Variants in RIPOR3 observed in about 807,000 individuals in gnomAD.
The protein encoded by RIPOR3 is family with sequence similarity 65 member C.
In RIPOR3, 95 loss-of-function variants were observed where a neutral mutation model predicts 114.3. That is an observed-to-expected ratio of 0.83 (90% CI 0.70 to 0.99). The LOEUF (loss-of-function observed/expected upper bound fraction) is 0.99, where lower values mean the gene tolerates loss of function less well. Among genes scored for constraint, RIPOR3 ranks in the 50% least tolerant of loss-of-function variants. The pLI is 0.00. For missense variants in RIPOR3, 1,252 were observed against 1,266.9 expected (o/e 0.99, Z 0.18); for synonymous variants, 575 against 543.8 (o/e 1.06, Z -0.80).
intron 2 of RIPOR3, chr20:50,620,990 G>A: frequency 1.9e-6 from 1 of 527,672 alleles, no homozygotes; most frequent in Non-Finnish European, 3.7e-6. Flanking sequence ...GGAAAGGGTG[G>A]GGACACACAT....
chr20:50,618,387 C>A (rs953827549), intron 3 of RIPOR3, among the ~76,000 whole-genome samples: 4 of 151,968 alleles, frequency 2.6e-5, no homozygotes, highest in Non-Finnish European at 5.9e-5. Context: ...CCCACAGGGC[C>A]CCCTGTCATC....
At chr20:50,631,078 G>C (rs1402379050) in intron 1 of RIPOR3, among the ~76,000 whole-genome samples, 2 of 152,188 alleles carry the variant, frequency 1.3e-5, no homozygotes, top group East Asian at 3.9e-4. Context: ...CCAGGTGTCT[G>C]TACTCTGCAC....
intron 1 of RIPOR3, among the ~76,000 whole-genome samples, chr20:50,631,275 C>G (rs1252726806): frequency 6.6e-6 from 1 of 152,202 alleles, no homozygotes; most frequent in Admixed American, 6.5e-5. Context: ...TCCAGCCCAG[C>G]AGGGAGGCCC....
chr20:50,610,090 C>T (rs1472956267), intron 6 of RIPOR3, among the ~76,000 whole-genome samples: 1 of 145,862 alleles, frequency 6.9e-6, no homozygotes, highest in Admixed American at 6.7e-5. Context: ...CCACCCCTGC[C>T]TCACCTGCCA....
chr20:50,598,330 G>T (rs2083372507), intron 13 of RIPOR3, among the ~76,000 whole-genome samples: 1 of 152,160 alleles, frequency 6.6e-6, no homozygotes, highest in Non-Finnish European at 1.5e-5. Flanking sequence ...AGCCTCCAGT[G>T]CCAGCTCCCT....
At chr20:50,592,969 G>C in intron 18 of RIPOR3, 66 bp downstream of exon 18, 2 of 1,574,202 alleles carry the variant, frequency 1.3e-6, no homozygotes, top group African/African-American at 1.3e-5. Context: ...TATAACCTGA[G>C]AAACTGCATG....
At chr20:50,660,672 A>G (rs2085960963) in intron 1 of RIPOR3, among the ~76,000 whole-genome samples, 1 of 151,344 alleles carries the variant, frequency 6.6e-6, no homozygotes, top group South Asian at 2.1e-4. Context: ...AAATCACAGC[A>G]CTACCCCCGA....
intron 1 of RIPOR3, among the ~76,000 whole-genome samples, chr20:50,655,805 G>A (rs988381086): frequency 6.6e-6 from 1 of 151,958 alleles, no homozygotes; most frequent in Non-Finnish European, 1.5e-5. Context: ...AACTGAGTTC[G>A]TGGCATGAGG....
At chr20:50,594,501 A>G in intron 17 of RIPOR3, 52 bp downstream of exon 17, 3 of 1,579,928 alleles carry the variant, frequency 1.9e-6, no homozygotes, top group Non-Finnish European at 2.6e-6. Flanking sequence ...GGCCCTGGAG[A>G]CTCAATACAG....
At chr20:50,592,237 A>G in intron 19 of RIPOR3, 107 bp downstream of exon 19, 1 of 1,167,044 alleles carries the variant, frequency 8.6e-7, no homozygotes, top group South Asian at 2.0e-5. Context: ...GCTCACAGCT[A>G]CTGCAGCCCC....
At chr20:50,629,659 C>T (rs1378013951) in intron 2 of RIPOR3, among the ~76,000 whole-genome samples, 1 of 152,212 alleles carries the variant, frequency 6.6e-6, no homozygotes, top group Non-Finnish European at 1.5e-5. Context: ...TCCGGTAACC[C>T]CCCACAGCAC....
chr20:50,646,227 C>T (rs1305798147), intron 1 of RIPOR3, among the ~76,000 whole-genome samples: 1 of 152,042 alleles, frequency 6.6e-6, no homozygotes, highest in East Asian at 1.9e-4. Flanking sequence ...TCCTAGGCTC[C>T]AGTGATCCTC....
intron 1 of RIPOR3, among the ~76,000 whole-genome samples, chr20:50,687,419 G>C (rs2087065612): frequency 6.6e-6 from 1 of 152,244 alleles, no homozygotes; most frequent in South Asian, 2.1e-4. Context: ...GAAGAGGACT[G>C]AGGACTGTTC....
intron 8 of RIPOR3, 68 bp from the exon 9 acceptor site, chr20:50,609,023 C>CT: frequency 6.5e-7 from 1 of 1,533,744 alleles, no homozygotes; most frequent in Non-Finnish European, 8.8e-7. Context: ...CACAGGTCCT[C>CT]TCTGGGGTTC....
At chr20:50,661,294 T>C (rs1398912809) in intron 1 of RIPOR3, among the ~76,000 whole-genome samples, 1 of 151,714 alleles carries the variant, frequency 6.6e-6, no homozygotes, top group Non-Finnish European at 1.5e-5. Context: ...AGGCCAGTCT[T>C]CAACTCCTGG....
intron 1 of RIPOR3, among the ~76,000 whole-genome samples, chr20:50,665,026 C>T (rs2086134723): frequency 6.6e-6 from 1 of 152,112 alleles, no homozygotes; most frequent in African/African-American, 2.4e-5. Context: ...CACTTGAACC[C>T]AGGAGGCAGA....
intron 1 of RIPOR3, among the ~76,000 whole-genome samples, chr20:50,641,494 C>A (rs1203637588): frequency 6.6e-6 from 1 of 152,146 alleles, no homozygotes; most frequent in Non-Finnish European, 1.5e-5. Context: ...GCAGTCCTCC[C>A]ACCTCAGCCT....
rs1329587741 is a variant in RIPOR3, at chr20:50,609,581, A to C, written c.568T>G (p.Cys190Gly). 7.1e-7 allele frequency: 1 copy of C among 1,415,788 alleles called. No homozygotes were observed. The highest frequency in any genetic ancestry group is 9.2e-7 in the Non-Finnish European group (1 of 1,088,446). 87.7% of individuals were successfully genotyped at this position (1,415,788 alleles called of 1,614,324 possible). ...AGCTTGGCCCGGCCCACCTCGGCGCACTCGTGCAGGCTGCGGCCCAGCTCC... is the reference window on the plus strand; with the variant it reads ...AGCTTGGCCCGGCCCACCTCGGCGCCCTCGTGCAGGCTGCGGCCCAGCTCC... ...LQELGRSLHECAEDMWLIEGA... is the reference protein window; with the variant it reads ...LQELGRSLHEGAEDMWLIEGA... The change falls in exon 7 of 22, where the codon TGC becomes GGC. Residue 190 changes from cysteine (C) to glycine (G), a missense_variant. By Grantham distance (159) the Cys-to-Gly change is radical. Transcript: ENST00000327979.
rs1218365484 is a variant in RIPOR3 at position 50,608,427 on chromosome 20, C to T, written c.918G>A (p.Glu306=). The change falls in exon 11 of 22, where the codon GAG becomes GAA. Residue 306 remains glutamate, a synonymous_variant. Transcript: ENST00000327979. ...RPQVIVVDIT[E]LGTIKLQLEV... is the part of the protein sequence containing the mutation. ...CCAGCTGCAGCTTGATGGTACCCAA[C>T]TCCGTGATGTCCACCACGATGACCT... 1 of 1,614,026 alleles carries T rather than the reference C, an allele frequency of 6.2e-7. No homozygotes were observed. Among genetic ancestry groups the T allele is most frequent in the African/African-American group, 1.3e-5 (1 of 75,018 alleles).
Sources: gnomAD v4.1 joint callset for allele counts (sites outside exome capture counted in the v4.1 genomes callset) on GRCh38, gnomAD v4.1.1 for gene constraint, MANE v1.5 for transcripts, NCBI Gene and HGNC (gene_info 2026-07-23, HGNC 2026-07-21) for gene names.